PSMD14: variants seen among roughly 807,000 people sequenced by gnomAD.
PSMD14 encodes the protein ubiquitin C-terminal hydrolase PSMD14.
In PSMD14, 7 loss-of-function variants were observed where a neutral mutation model predicts 41.2. The ratio of observed to expected loss-of-function variants is 0.17; its 90% confidence interval spans 0.10 to 0.32. PSMD14 has a LOEUF of 0.32. PSMD14 is among the 10% of genes least tolerant of loss of function. The pLI is 1.00. For missense variants in PSMD14, 139 were observed against 375.6 expected, an observed-to-expected ratio of 0.37 and a Z score of 5.21; for synonymous variants, 114 against 122.3, an observed-to-expected ratio of 0.93 and a Z score of 0.45.
At chr2:161,382,486 G>A in intron 7 of PSMD14, 1 of 151,756 alleles carries the variant, frequency 6.6e-6, no homozygotes, top group East Asian at 1.9e-4. Flanking sequence ...GAAAGTAAGA[G>A]GTTTCCCTAA....
At chr2:161,408,638 T>C in intron 10 of PSMD14, 199 bp from the exon 11 acceptor site, 1 of 499,186 alleles carries the variant, frequency 2.0e-6, no homozygotes, top group South Asian at 2.2e-5. Flanking sequence ...TCTTGTCTGT[T>C]TTCAAAATGA....
chr2:161,400,408 C>T (rs1290881722), intron 10 of PSMD14, among the ~76,000 whole-genome samples: 1 of 152,092 alleles, frequency 6.6e-6, no homozygotes, highest in Non-Finnish European at 1.5e-5. Context: ...CACAGCACTC[C>T]TGATTACAAC....
At chr2:161,312,121 G>T (rs1358419461) in intron 1 of PSMD14, among the ~76,000 whole-genome samples, 1 of 151,864 alleles carries the variant, frequency 6.6e-6, no homozygotes, top group African/African-American at 2.4e-5. Context: ...GCTTGAAAAG[G>T]ATTGAGCATC....
chr2:161,396,490 A>G (rs1045544666), intron 10 of PSMD14, among the ~76,000 whole-genome samples: 1 of 152,226 alleles, frequency 6.6e-6, no homozygotes, highest in African/African-American at 2.4e-5. Flanking sequence ...AACATGGATA[A>G]ACCTGTAGGG....
At chr2:161,381,215 GAAT>G (rs1683566729) in intron 7 of PSMD14, 1 of 149,202 alleles carries the variant, frequency 6.7e-6, no homozygotes. Flanking sequence ...ATGATGAACT[GAAT>G]AATTTTTATT....
chr2:161,390,204 A>G (rs545809814), intron 8 of PSMD14, among the ~76,000 whole-genome samples: 82 of 152,104 alleles, frequency 5.4e-4, no homozygotes, highest in African/African-American at 8.9e-4. Flanking sequence ...GTAAAAGTCT[A>G]TTAGTTAGAG....
intron 3 of PSMD14, among the ~76,000 whole-genome samples, chr2:161,340,297 A>G (rs540318603): frequency 2.6e-5 from 4 of 152,256 alleles, no homozygotes; most frequent in Admixed American, 2.6e-4. Flanking sequence ...CCAGCCAGAG[A>G]GAGAAGTGGG....
chr2:161,348,911 A>G (rs1283082984), intron 3 of PSMD14, among the ~76,000 whole-genome samples: 1 of 152,096 alleles, frequency 6.6e-6, no homozygotes, highest in Non-Finnish European at 1.5e-5. Context: ...AGTAAATAAC[A>G]GTGGTTAGAA....
chr2:161,378,775 C>A (rs1306750862), intron 7 of PSMD14, among the ~76,000 whole-genome samples: 2 of 151,940 alleles, frequency 1.3e-5, no homozygotes, highest in Non-Finnish European at 2.9e-5. Flanking sequence ...GATTTAAATT[C>A]TCTACACTGC....
chr2:161,340,921 C>T, intron 3 of PSMD14: 1 of 1,613,818 alleles, frequency 6.2e-7, no homozygotes, highest in African/African-American at 1.3e-5. Flanking sequence ...AAGCCTTCTC[C>T]GTCCTCCTCC....
intron 3 of PSMD14, chr2:161,341,077 C>G: frequency 6.5e-7 from 1 of 1,540,370 alleles, no homozygotes; most frequent in African/African-American, 1.4e-5. Flanking sequence ...GCAGGCTCCC[C>G]GAGCTCCCCC....
chr2:161,409,193 TAAATA>T (rs1266867846), intron 11 of PSMD14, among the ~76,000 whole-genome samples: 1 of 152,064 alleles, frequency 6.6e-6, no homozygotes, highest in African/African-American at 2.4e-5. Context: ...TACCTACAGA[TAAATA>T]AGATAATAGA....
chr2:161,354,420 AG>A (rs1320746936), intron 3 of PSMD14, among the ~76,000 whole-genome samples: 2 of 152,108 alleles, frequency 1.3e-5, no homozygotes, highest in East Asian at 3.9e-4. Context: ...TAATTTTTGT[AG>A]TTTTTTGTAG....
chr2:161,315,703 T>C (rs1689140373), intron 1 of PSMD14, among the ~76,000 whole-genome samples: 1 of 152,082 alleles, frequency 6.6e-6, no homozygotes, highest in Non-Finnish European at 1.5e-5. Flanking sequence ...ATAGCAAATT[T>C]TCAGGGTATA....
At chr2:161,346,288 T>C (rs979892765) in intron 3 of PSMD14, among the ~76,000 whole-genome samples, 4 of 152,214 alleles carry the variant, frequency 2.6e-5, no homozygotes, top group African/African-American at 9.6e-5. Context: ...GATAAAGTTT[T>C]GTCATGCCTC....
intron 10 of PSMD14, among the ~76,000 whole-genome samples, chr2:161,401,736 C>T (rs1263405170): frequency 6.6e-6 from 1 of 151,972 alleles, no homozygotes; most frequent in Non-Finnish European, 1.5e-5. Flanking sequence ...TTTTATGAAG[C>T]AACTATGTTG....
intron 3 of PSMD14, among the ~76,000 whole-genome samples, chr2:161,327,752 A>G (rs1682720361): frequency 6.6e-6 from 1 of 152,182 alleles, no homozygotes; most frequent in African/African-American, 2.4e-5. Flanking sequence ...ATAGATAAGT[A>G]AGACAAAAAG....
At chr2:161,342,704 C>T (rs924810437) in intron 3 of PSMD14, among the ~76,000 whole-genome samples, 3 of 151,734 alleles carry the variant, frequency 2.0e-5, no homozygotes, top group Admixed American at 6.6e-5. Flanking sequence ...TATTGAATGT[C>T]GTTAAGTTTA....
intron 7 of PSMD14, 56 bp downstream of exon 7, chr2:161,371,378 A>G (rs1198340609): frequency 2.7e-6 from 4 of 1,499,790 alleles, no homozygotes; most frequent in Non-Finnish European, 3.6e-6. Context: ...TTACAGATAC[A>G]TTAAATAAAA....
Sources: allele counts gnomAD v4.1 joint callset (sites outside exome capture counted in the v4.1 genomes callset), GRCh38; gene constraint gnomAD v4.1.1; transcripts MANE v1.5; gene names NCBI Gene and HGNC (gene_info 2026-07-23, HGNC 2026-07-21).